ADRA1D: variants seen among roughly 807,000 people sequenced by gnomAD.
ADRA1D encodes the protein alpha-1D adrenergic receptor.
In ADRA1D, 22 loss-of-function variants were observed where a neutral mutation model predicts 18.6. The ratio of observed to expected loss-of-function variants is 1.19; its 90% confidence interval spans 0.85 to 1.69. ADRA1D has a LOEUF of 1.69. Ranked by LOEUF, ADRA1D falls within the 40% of genes most tolerant of loss-of-function variation. The pLI is 0.00. For missense variants in ADRA1D, 840 were observed against 840.7 expected (o/e 1.00, Z 0.01); for synonymous variants, 376 against 388.2 (o/e 0.97, Z 0.37).
Position 4,240,871 on chromosome 20 carries a change from T to C in ADRA1D, c.1111+6976A>G, listed in dbSNP as rs140659152. Among the ~76,000 whole-genome samples, 578 of 152,220 alleles carry C rather than the reference T, an allele frequency of 3.8e-3. 5 individuals carry two copies. The highest frequency in any genetic ancestry group is 0.013 in the African/African-American group (557 of 41,550). ...AGGATGGAAAGAATCTAGGTTAGCT[T>C]TGGGGTGAAGCTGGGTCACAGGTAC... is the stretch of plus-strand genomic sequence containing the variant. On this transcript the variant is annotated intron_variant, in intron 1 of 1. Coordinates refer to ENST00000379453, the MANE Select transcript of ADRA1D (RefSeq NM_000678.4).
In ADRA1D at chr20:4,239,359, GA is replaced by G. The variant is rs1328473764; in HGVS notation, c.1111+8487del. ...AAGATCTTCAGGGGAGGGGAAGGAG[GA>G]ATATATGTCCAAGGACAGAAGTCCC... is the stretch of plus-strand genomic sequence containing the variant. On this transcript the variant is annotated intron_variant, in intron 1 of 1. Coordinates refer to ENST00000379453, the MANE Select transcript of ADRA1D (RefSeq NM_000678.4). The surrounding 1 kb of genome is among the most constrained non-coding windows in gnomAD (Gnocchi z 4.9). Among the ~76,000 whole-genome samples the G allele has an allele frequency of 6.6e-6, 1 of 151,784 alleles. No homozygotes were observed. The highest frequency in any genetic ancestry group is 2.4e-5 in the African/African-American group (1 of 41,300).
chr20:4,243,017 C>T (rs779986167), intron 1 of ADRA1D, among the ~76,000 whole-genome samples: 56 of 152,156 alleles, frequency 3.7e-4, no homozygotes, highest in Non-Finnish European at 6.6e-4. Flanking sequence ...TGGAGGCTCC[C>T]GGGAGAGGAG....
rs757551512 is a variant in ADRA1D at position 4,248,500 on chromosome 20, G to A, written c.458C>T (p.Ser153Leu). The change falls in exon 1 of 2, where the codon TCG (serine) becomes TTG (leucine). Residue 153 changes from serine (S) to leucine (L), a missense_variant. Transcript: ENST00000379453. Reference protein sequence around the residue: ...LLLSATVLPFSATMEVLGFWA... With the variant: ...LLLSATVLPFLATMEVLGFWA... ...GAAGCCCAGAACCTCCATGGTGGCC[G>A]AGAAGGGCAGTACGGTGGCGCTCAG... The A allele has an allele frequency of 6.2e-6, 10 of 1,613,668 alleles. No individual in the cohort carries two copies. In the East Asian group the frequency reaches 2.0e-4, roughly 32 times the overall value.
Position 4,221,503 on chromosome 20 carries a change from G to A in ADRA1D, c.*20C>T, listed in dbSNP as rs752514932. On this transcript the variant is annotated 3_prime_UTR_variant, in exon 2 of 2. Transcript: ENST00000379453. ...CTTACCCCCAAGCCCAGCACACTCC[G>A]CGGCCTAGCTCTGGGGTCCTTAAAT... 8 of 1,589,250 alleles carry A rather than the reference G, an allele frequency of 5.0e-6. No individual in the cohort carries two copies. Among genetic ancestry groups the A allele is most frequent in the Non-Finnish European group, 6.9e-6 (8 of 1,162,540 alleles).
intron 1 of ADRA1D, among the ~76,000 whole-genome samples, chr20:4,242,775 C>T (rs1468053641): frequency 3.3e-5 from 5 of 152,086 alleles, no homozygotes; most frequent in South Asian, 2.1e-4. Flanking sequence ...CAGTGATGCT[C>T]GGTGATCTGC....
rs757676276 is a variant in ADRA1D, at chr20:4,248,583, G to A, written c.375C>T (p.Arg125=). Residue 125 remains arginine, a synonymous_variant, in exon 1 of 2, where the codon CGC becomes CGT. Coordinates refer to ENST00000379453, the MANE Select transcript of ADRA1D (RefSeq NM_000678.4). ...AATAGTTGGTGACGGTCTGCAGGTGGCGGTTGCAGGCCACTGAGAGGATGA... is the reference window on the plus strand; with the variant it reads ...AATAGTTGGTGACGGTCTGCAGGTGACGGTTGCAGGCCACTGAGAGGATGA... ...LLVILSVACN[R]HLQTVTNYFI... 1 of 1,613,726 alleles carries A rather than the reference G, an allele frequency of 6.2e-7. No homozygotes were observed. Among genetic ancestry groups the A allele is most frequent in the South Asian group, 1.1e-5 (1 of 91,052 alleles).
intron 1 of ADRA1D, among the ~76,000 whole-genome samples, chr20:4,243,015 C>A (rs936835774): frequency 6.6e-6 from 1 of 152,052 alleles, no homozygotes; most frequent in Non-Finnish European, 1.5e-5. Context: ...TCTGGAGGCT[C>A]CCGGGAGAGG....
At chr20:4,225,279 G>A (rs752894847) in intron 1 of ADRA1D, among the ~76,000 whole-genome samples, 3 of 151,762 alleles carry the variant, frequency 2.0e-5, no homozygotes, top group Non-Finnish European at 2.9e-5. Flanking sequence ...GATTACAAGC[G>A]TGAGCTACCG....
Position 4,248,840 on chromosome 20 carries a change from C to T in ADRA1D, c.118G>A (p.Gly40Ser), listed in dbSNP as rs1981427663. Residue 40 changes from glycine (G) to serine (S), a missense_variant, in exon 1 of 2, where the codon GGC becomes AGC. By Grantham distance (56) the Gly-to-Ser change is moderately conservative. Coordinates refer to ENST00000379453, the MANE Select transcript of ADRA1D (RefSeq NM_000678.4). The stretch of plus-strand genomic sequence containing the variant: ...CCCGGCACGCCGCCCACCGCCGGGC[C>T]CTCCGAGGGGGCCGCGCCGCCCGCG... ...GSAGGAAPSEGPAVGGVPGGA... is the reference protein window; with the variant it reads ...GSAGGAAPSESPAVGGVPGGA... 9.9e-7 allele frequency: 1 copy of T among 1,005,568 alleles called. No individual in the cohort carries two copies. The highest frequency in any genetic ancestry group is 1.2e-6 in the Non-Finnish European group (1 of 840,748). The allele number at this position is 1,005,568 out of a possible 1,614,324, so 62.3% of individuals were successfully genotyped here. A position where few individuals can be genotyped will look rare whatever the true frequency, so the allele number is the denominator to read the frequency against.
At chr20:4,225,264 G>T (rs1250471997) in intron 1 of ADRA1D, among the ~76,000 whole-genome samples, 6 of 151,794 alleles carry the variant, frequency 4.0e-5, no homozygotes, top group Non-Finnish European at 8.8e-5. Context: ...CTCCCAAAGT[G>T]CTGGGATTAC....
intron 1 of ADRA1D, among the ~76,000 whole-genome samples, chr20:4,230,125 C>T (rs1456413972): frequency 6.6e-6 from 1 of 152,176 alleles, no homozygotes; most frequent in South Asian, 2.1e-4. Context: ...ACACTGACTT[C>T]GTATTCACAA....
At chr20:4,231,056 TTCTTTCTTTCTC>T (rs1356288797) in intron 1 of ADRA1D, among the ~76,000 whole-genome samples, 9 of 91,400 alleles carry the variant, frequency 9.8e-5, no homozygotes, top group African/African-American at 3.1e-4. Context: ...CTTTCTTTCT[TTCTTTCTTTCTC>T]TCTCTCTCTC....
chr20:4,229,126 C>G (rs1468228627), intron 1 of ADRA1D, among the ~76,000 whole-genome samples: 1 of 152,156 alleles, frequency 6.6e-6, no homozygotes, highest in Non-Finnish European at 1.5e-5. Flanking sequence ...AATGTAGGAG[C>G]GCCTCATTTA....
intron 1 of ADRA1D, among the ~76,000 whole-genome samples, chr20:4,223,157 A>G (rs772720630): frequency 6.8e-6 from 1 of 147,806 alleles, no homozygotes; most frequent in African/African-American, 2.6e-5. Flanking sequence ...AGATAATTCA[A>G]TAGAGAAAGG....
chr20:4,249,230 G>C lies in ADRA1D; in HGVS notation c.-273C>G, dbSNP rs903858311. On this transcript the variant is annotated 5_prime_UTR_variant, in exon 1 of 2. Transcript: ENST00000379453. ...GGCGCTCTGAGCGTGCCCGGCAAGCGGGCAAAGCGGCGGCTCCGGGGCCGG... is the reference window on the plus strand; with the variant it reads ...GGCGCTCTGAGCGTGCCCGGCAAGCCGGCAAAGCGGCGGCTCCGGGGCCGG... 1.3e-5 allele frequency among the ~76,000 whole-genome samples: 2 copies of C among 151,910 alleles called. No individual in the cohort carries two copies. Among genetic ancestry groups the C allele is most frequent in the Non-Finnish European group, 2.9e-5 (2 of 67,952 alleles).
chr20:4,228,352 C>T (rs1048879474), intron 1 of ADRA1D, among the ~76,000 whole-genome samples: 10 of 152,120 alleles, frequency 6.6e-5, no homozygotes, highest in Non-Finnish European at 1.3e-4. Flanking sequence ...TTTCCTTTAC[C>T]GGCTCTTTAC....
intron 1 of ADRA1D, among the ~76,000 whole-genome samples, chr20:4,231,947 C>G (rs1361868800): frequency 6.6e-6 from 1 of 152,124 alleles, no homozygotes; most frequent in Non-Finnish European, 1.5e-5. Flanking sequence ...GAGTATCGCT[C>G]TCTTGCCCAG....
chr20:4,221,246 T>G lies in ADRA1D; in HGVS notation c.*277A>C. 2.8e-6 allele frequency: 1 copy of G among 357,692 alleles called. No homozygotes were observed. The highest frequency in any genetic ancestry group is 4.7e-5 in the East Asian group (1 of 21,330). 22.2% of individuals were successfully genotyped at this position (357,692 alleles called of 1,614,324 possible). ...GGAGGATGGGGCAGTGTTTCTCAAA[T>G]AGGGATTGGGAGCAAAAGGCCCCAC... On this transcript the variant is annotated 3_prime_UTR_variant, in exon 2 of 2. Transcript: ENST00000379453.
At position 4,221,473 on chromosome 20, in the gene ADRA1D, T is replaced by G; in HGVS notation, c.*50A>C. ...TTAGAACACCAGCCCGCCTCTCTGG[T>G]CCCCCTTACCCCCAAGCCCAGCACA... On this transcript the variant is annotated 3_prime_UTR_variant, in exon 2 of 2. Coordinates refer to ENST00000379453, the MANE Select transcript of ADRA1D (RefSeq NM_000678.4). 1.3e-6 allele frequency: 2 copies of G among 1,539,488 alleles called. No individual in the cohort carries two copies. Among genetic ancestry groups the G allele is most frequent in the Non-Finnish European group, 1.8e-6 (2 of 1,140,058 alleles).
Sources: gnomAD v4.1 joint callset for allele counts (sites outside exome capture counted in the v4.1 genomes callset) on GRCh38, gnomAD v4.1.1 for gene constraint, Gnocchi (gnomAD v3.1) non-coding constraint, MANE v1.5 for transcripts, NCBI Gene and HGNC (gene_info 2026-07-23, HGNC 2026-07-21) for gene names.